Variants in TTLL11 observed in about 807,000 individuals in gnomAD.
TTLL11 encodes tubulin tyrosine ligase like 11.
A neutral mutation model predicts 51.7 loss-of-function variants in TTLL11; 42 were observed. The observed-to-expected ratio is 0.81, with a 90% CI of 0.64 to 1.05. TTLL11 has a LOEUF of 1.05. Among genes scored for constraint, TTLL11 ranks in the 50% least tolerant of loss-of-function variants. The pLI is 0.00. For missense variants in TTLL11, 799 were observed against 940.4 expected, an observed-to-expected ratio of 0.85 and a Z score of 1.97; for synonymous variants, 381 against 383.5, an observed-to-expected ratio of 0.99 and a Z score of 0.08.
At position 121,897,528 on chromosome 9, in the gene TTLL11, A is replaced by C. The variant is rs181163882; in HGVS notation, c.1482-26780T>G. On this transcript the variant is annotated intron_variant, in intron 6 of 8. Coordinates refer to ENST00000321582, the MANE Select transcript of TTLL11 (RefSeq NM_001139442.2). Reference sequence around the variant, plus strand: ...GATCTAATTTTCCCTTCTCACCAGGATTCCAGCCCACTCTGCAAGTCCCTG... The same window carrying C: ...GATCTAATTTTCCCTTCTCACCAGGCTTCCAGCCCACTCTGCAAGTCCCTG... Among the ~76,000 whole-genome samples the C allele has an allele frequency of 3.0e-3, 463 of 151,926 alleles. 4 individuals carry two copies. The highest frequency in any genetic ancestry group is 0.011 in the African/African-American group (445 of 41,418).
At chr9:121,967,018 A>G (rs1166801815) in intron 6 of TTLL11, among the ~76,000 whole-genome samples, 1 of 152,098 alleles carries the variant, frequency 6.6e-6, no homozygotes, top group African/African-American at 2.4e-5. Flanking sequence ...TCATATCATG[A>G]CCATGACAAT....
At chr9:121,997,757 G>A (rs981209451) in intron 3 of TTLL11, among the ~76,000 whole-genome samples, 3 of 152,206 alleles carry the variant, frequency 2.0e-5, no homozygotes, top group African/African-American at 7.2e-5. Context: ...ATTCCCAGGT[G>A]AGGCTCATTC....
chr9:121,867,400 C>A (rs1233662101), intron 7 of TTLL11, among the ~76,000 whole-genome samples: 1 of 152,170 alleles, frequency 6.6e-6, no homozygotes, highest in African/African-American at 2.4e-5. Flanking sequence ...CTACCCAGCC[C>A]TCTGTGATAG....
intron 3 of TTLL11, among the ~76,000 whole-genome samples, chr9:122,006,954 C>T (rs1023098986): frequency 7.1e-6 from 1 of 141,572 alleles, no homozygotes; most frequent in African/African-American, 2.7e-5. Context: ...CCACTCCACT[C>T]CTCGGTGGCA....
At position 121,912,533 on chromosome 9, in the gene TTLL11, A is replaced by T. The variant is rs186532799; in HGVS notation, c.1482-41785T>A. On this transcript the variant is annotated intron_variant, in intron 6 of 8. Coordinates refer to ENST00000321582, the MANE Select transcript of TTLL11 (RefSeq NM_001139442.2). ...CAGGCGTCGTGTGTCACCAAAACCT[A>T]GCACAGAGGACACCACTCCCTTGCC... 4.2e-3 allele frequency among the ~76,000 whole-genome samples: 640 copies of T among 152,032 alleles called. 8 individuals are homozygous for T. Among genetic ancestry groups the T allele is most frequent in the Non-Finnish European group, 5.9e-3 (398 of 67,962 alleles).
At chr9:122,033,376 G>C (rs35773037) in intron 2 of TTLL11, among the ~76,000 whole-genome samples, 1 of 152,154 alleles carries the variant, frequency 6.6e-6, no homozygotes, top group Admixed American at 6.5e-5. Context: ...GCCTCCCAAA[G>C]TGCTGGGATT....
chr9:121,916,841 C>T (rs182128050), intron 6 of TTLL11, among the ~76,000 whole-genome samples: 1 of 152,282 alleles, frequency 6.6e-6, no homozygotes, highest in East Asian at 1.9e-4. Context: ...TCAGACAAAC[C>T]TAATTTCTCC....
chr9:121,959,603 T>G (rs967084386), intron 6 of TTLL11, among the ~76,000 whole-genome samples: 12 of 152,022 alleles, frequency 7.9e-5, no homozygotes, highest in African/African-American at 2.7e-4. Context: ...TACAAACATT[T>G]CTCTCCATCC....
At chr9:121,893,544 G>T (rs906282283) in intron 6 of TTLL11, among the ~76,000 whole-genome samples, 2 of 152,184 alleles carry the variant, frequency 1.3e-5, no homozygotes, top group Non-Finnish European at 2.9e-5. Flanking sequence ...GGTCTATGGC[G>T]GGAGAGGGAC....
chr9:121,826,557 G>GTGTGTATA (rs1189626793), intron 8 of TTLL11, among the ~76,000 whole-genome samples: 1 of 51,346 alleles, frequency 1.9e-5, no homozygotes, highest in African/African-American at 7.1e-5. Context: ...ATATGTGTGT[G>GTGTGTATA]TATATATATA....
chr9:122,043,888 A>G (rs1255558411), intron 1 of TTLL11, among the ~76,000 whole-genome samples: 3 of 152,082 alleles, frequency 2.0e-5, no homozygotes, highest in Non-Finnish European at 2.9e-5. Flanking sequence ...TTTAAGTTTT[A>G]GGGTACATGT....
chr9:121,918,609 A>G (rs1840421823), intron 6 of TTLL11, among the ~76,000 whole-genome samples: 1 of 152,204 alleles, frequency 6.6e-6, no homozygotes, highest in Non-Finnish European at 1.5e-5. Context: ...GCATCATTAG[A>G]GATAAATTTA....
intron 6 of TTLL11, among the ~76,000 whole-genome samples, chr9:121,962,314 C>G (rs1842256082): frequency 6.6e-6 from 1 of 152,146 alleles, no homozygotes; most frequent in South Asian, 2.1e-4. Context: ...CAGCATCTGT[C>G]TTCTCCACCC....
At chr9:121,948,663 A>ACAGAGCCAGGAAGTGG (rs996591288) in intron 6 of TTLL11, among the ~76,000 whole-genome samples, 2 of 152,216 alleles carry the variant, frequency 1.3e-5, no homozygotes, top group African/African-American at 2.4e-5. Context: ...GCTCAAGGTC[A>ACAGAGCCAGGAAGTGG]CAGAGCCAGG....
At chr9:121,990,967 T>G (rs1843094889) in intron 3 of TTLL11, among the ~76,000 whole-genome samples, 1 of 152,170 alleles carries the variant, frequency 6.6e-6, no homozygotes, top group Non-Finnish European at 1.5e-5. Flanking sequence ...GCGGATGGAC[T>G]GAAATGGCAG....
intron 6 of TTLL11, among the ~76,000 whole-genome samples, chr9:121,906,011 G>T (rs1839932538): frequency 6.6e-6 from 1 of 152,238 alleles, no homozygotes; most frequent in Admixed American, 6.5e-5. Flanking sequence ...TAACTACTGA[G>T]ATCACAATAA....
intron 6 of TTLL11, among the ~76,000 whole-genome samples, chr9:121,883,284 C>G (rs1022449426): frequency 6.6e-6 from 1 of 152,146 alleles, no homozygotes; most frequent in African/African-American, 2.4e-5. Context: ...ACGATAGAAT[C>G]CACTCTCCAG....
chr9:122,076,753 T>C (rs1324884002), intron 1 of TTLL11, among the ~76,000 whole-genome samples: 1 of 145,176 alleles, frequency 6.9e-6, no homozygotes, highest in Non-Finnish European at 1.5e-5. Flanking sequence ...TAAATCAGAA[T>C]TCCAAAAAGA....
At chr9:121,998,261 T>A (rs1843345243) in intron 3 of TTLL11, among the ~76,000 whole-genome samples, 2 of 152,042 alleles carry the variant, frequency 1.3e-5, no homozygotes, top group Admixed American at 1.3e-4. Context: ...TTAAGTCGCT[T>A]AGGGTTTTTT....
Sources: gnomAD v4.1 joint callset for allele counts (sites outside exome capture counted in the v4.1 genomes callset) on GRCh38, gnomAD v4.1.1 for gene constraint, MANE v1.5 for transcripts, NCBI Gene and HGNC (gene_info 2026-07-23, HGNC 2026-07-21) for gene names.